Variants in TTC23 observed in about 807,000 individuals in gnomAD.
TTC23 encodes the protein tetratricopeptide repeat domain 23.
Under a neutral mutation model 55.1 loss-of-function variants are expected in TTC23, and 58 were observed. That is an observed-to-expected ratio of 1.05 (90% CI 0.85 to 1.31). TTC23 has a LOEUF of 1.31. Ranked by LOEUF, TTC23 falls within the 50% of genes most tolerant of loss-of-function variation. TTC23 has a pLI of 0.00. For missense variants in TTC23, 516 were observed against 534.4 expected (o/e 0.97, Z 0.34); for synonymous variants, 203 against 199.9 (o/e 1.02, Z -0.13).
chr15:99,224,295 G>T (rs147060167), intron 5 of TTC23, among the ~76,000 whole-genome samples: 1 of 152,272 alleles, frequency 6.6e-6, no homozygotes, highest in African/African-American at 2.4e-5. Context: ...AAAATCACCT[G>T]TAAGTTTACC....
chr15:99,214,463 G>A (rs957413026), intron 8 of TTC23, among the ~76,000 whole-genome samples: 8 of 139,308 alleles, frequency 5.7e-5, no homozygotes, highest in Non-Finnish European at 1.2e-4. Flanking sequence ...AGCCGAGATC[G>A]CGCCATTGCA....
rs556802191 is a variant in TTC23, at chr15:99,197,196, A to G, written c.759+2723T>C. Among the ~76,000 whole-genome samples, 873 of 150,416 alleles carry G rather than the reference A, an allele frequency of 5.8e-3. 9 individuals carry two copies. Among genetic ancestry groups the G allele is most frequent in the Middle Eastern group, 0.038 (11 of 290 alleles). On this transcript the variant is annotated intron_variant, in intron 9 of 13. Coordinates refer to ENST00000394132, the MANE Select transcript of TTC23 (RefSeq NM_001288615.3). Reference sequence around the variant, plus strand: ...CAGCTCACTGCAAGCTCCGCCTCCCAGGCTCACGCCATTCTCCTGCCTCAG... The same window carrying G: ...CAGCTCACTGCAAGCTCCGCCTCCCGGGCTCACGCCATTCTCCTGCCTCAG...
rs114417832 is a variant in TTC23, at chr15:99,205,721, T to A, written c.582-5625A>T. ...ATAGCTTTTTGGTAGAATCTATAGG[T>A]TTTTCTGAATATAAGATCATATCAT... On this transcript the variant is annotated intron_variant, in intron 8 of 13. Coordinates refer to ENST00000394132, the MANE Select transcript of TTC23 (RefSeq NM_001288615.3). Among the ~76,000 whole-genome samples the A allele has an allele frequency of 7.7e-3, 1,167 of 152,248 alleles. 13 individuals are homozygous for A. Among genetic ancestry groups the A allele is most frequent in the African/African-American group, 0.027 (1,133 of 41,560 alleles).
chr15:99,242,122 A>C (rs1169262672), intron 2 of TTC23, among the ~76,000 whole-genome samples: 2 of 138,394 alleles, frequency 1.4e-5, no homozygotes, highest in Non-Finnish European at 3.1e-5. Flanking sequence ...ACAGAACAAG[A>C]TCCTGTCTCA....
chr15:99,190,013 CA>C (rs1026236690), intron 9 of TTC23, among the ~76,000 whole-genome samples: 1 of 151,522 alleles, frequency 6.6e-6, no homozygotes, highest in South Asian at 2.1e-4. Context: ...CCCGTCTCTA[CA>C]AAAAAAATAT....
At chr15:99,154,224 T>G (rs1226742369) in intron 12 of TTC23, among the ~76,000 whole-genome samples, 1 of 152,238 alleles carries the variant, frequency 6.6e-6, no homozygotes, top group African/African-American at 2.4e-5. Flanking sequence ...CAAATTATTT[T>G]TATAAGCAAA....
At chr15:99,156,707 C>T (rs2070635515) in intron 11 of TTC23, among the ~76,000 whole-genome samples, 1 of 152,170 alleles carries the variant, frequency 6.6e-6, no homozygotes, top group Non-Finnish European at 1.5e-5. Flanking sequence ...AGGGTCCCTA[C>T]CATGACACAT....
At chr15:99,214,822 G>A (rs1360591087) in intron 8 of TTC23, among the ~76,000 whole-genome samples, 1 of 149,120 alleles carries the variant, frequency 6.7e-6, no homozygotes, top group Non-Finnish European at 1.5e-5. Context: ...CTTTTTTTGG[G>A]AAAAGTTTCC....
At chr15:99,179,446 G>A (rs2073913612) in intron 9 of TTC23, among the ~76,000 whole-genome samples, 1 of 152,192 alleles carries the variant, frequency 6.6e-6, no homozygotes, top group African/African-American at 2.4e-5. Flanking sequence ...CTCCACTGAT[G>A]CATTAATTGA....
chr15:99,156,685 A>G (rs543130133), intron 11 of TTC23, among the ~76,000 whole-genome samples: 3 of 152,334 alleles, frequency 2.0e-5, no homozygotes, highest in African/African-American at 7.2e-5. Flanking sequence ...CCATGGTTCA[A>G]TCACCTCCCA....
chr15:99,248,237 G>A (rs2080435338), intron 1 of TTC23: 1 of 152,202 alleles, frequency 6.6e-6, no homozygotes, highest in African/African-American at 2.4e-5. Flanking sequence ...TCTGGTCTCT[G>A]CTCTGGTCTA....
At position 99,226,837 on chromosome 15, in the gene TTC23, C is replaced by T. The variant is rs1298556370; in HGVS notation, c.180+1696G>A. 2.0e-5 allele frequency among the ~76,000 whole-genome samples: 3 copies of T among 152,186 alleles called. No homozygotes were observed. In the East Asian group the frequency reaches 5.8e-4, roughly 29 times the overall value. ...CAAGACGGAGCCACTCTATGTCCTC[C>T]TTAGCACTTATCACAGTCTATAATA... On this transcript the variant is annotated intron_variant, in intron 5 of 13. Coordinates refer to ENST00000394132, the MANE Select transcript of TTC23 (RefSeq NM_001288615.3).
chr15:99,158,411 G>A (rs1396858859), intron 11 of TTC23: 2 of 152,274 alleles, frequency 1.3e-5, no homozygotes, highest in African/African-American at 4.8e-5. Flanking sequence ...GAAACGGGGA[G>A]ATGTGAAGGA....
intron 1 of TTC23, among the ~76,000 whole-genome samples, chr15:99,245,939 C>A (rs1031662481): frequency 2.0e-5 from 3 of 151,920 alleles, no homozygotes; most frequent in African/African-American, 7.3e-5. Context: ...CTGACTCAGC[C>A]TCCCAAGCAG....
chr15:99,158,286 T>C (rs2070884601), intron 11 of TTC23: 1 of 152,200 alleles, frequency 6.6e-6, no homozygotes, highest in South Asian at 2.1e-4. Context: ...GGTTTGGTGA[T>C]ATTTCTGTGG....
intron 12 of TTC23, among the ~76,000 whole-genome samples, chr15:99,142,002 G>A (rs1292852849): frequency 2.0e-5 from 3 of 152,110 alleles, no homozygotes; most frequent in East Asian, 1.9e-4. Flanking sequence ...AAATCTGCAC[G>A]GGGACCTTGG....
At chr15:99,205,991 G>A (rs76975778) in intron 8 of TTC23, among the ~76,000 whole-genome samples, 2,654 of 152,138 alleles carry the variant, frequency 0.017, 77 homozygotes, top group African/African-American at 0.06. Flanking sequence ...CCTTTAGTAA[G>A]TTAAGTAAGT....
chr15:99,217,808 C>T (rs2077592196), intron 8 of TTC23, among the ~76,000 whole-genome samples: 1 of 152,228 alleles, frequency 6.6e-6, no homozygotes, highest in Non-Finnish European at 1.5e-5. Context: ...GGGCCCTTTC[C>T]TAGCACCTTT....
intron 12 of TTC23, among the ~76,000 whole-genome samples, chr15:99,149,704 G>A (rs1189832910): frequency 6.6e-6 from 1 of 152,216 alleles, no homozygotes; most frequent in African/African-American, 2.4e-5. Context: ...GCTTACTTCT[G>A]GGAGCCTCAG....
Sources: allele counts gnomAD v4.1 joint callset (sites outside exome capture counted in the v4.1 genomes callset), GRCh38; gene constraint gnomAD v4.1.1; transcripts MANE v1.5; gene names NCBI Gene and HGNC (gene_info 2026-07-23, HGNC 2026-07-21).